KIAA1549L: variants seen among roughly 807,000 people sequenced by gnomAD.
KIAA1549L encodes KIAA1549 like.
Under a neutral mutation model 160.7 loss-of-function variants are expected in KIAA1549L, and 88 were observed. The observed-to-expected ratio is 0.55, with a 90% confidence interval of 0.46 to 0.65. The LOEUF is 0.65. KIAA1549L is among the 30% of genes least tolerant of loss of function. KIAA1549L has a pLI of 0.00. For missense variants in KIAA1549L, 2,258 were observed against 2,437.5 expected (o/e 0.93, Z 1.55); for synonymous variants, 950 against 976.7 (o/e 0.97, Z 0.51).
chr11:33,488,988 G>A (rs957931722), intron 1 of KIAA1549L, among the ~76,000 whole-genome samples: 4 of 152,162 alleles, frequency 2.6e-5, no homozygotes, highest in African/African-American at 9.7e-5. Flanking sequence ...CATTTGTTAT[G>A]TTGTTAAATC....
chr11:33,431,781 G>A (rs539566821), intron 1 of KIAA1549L, among the ~76,000 whole-genome samples: 29 of 152,342 alleles, frequency 1.9e-4, no homozygotes, highest in Middle Eastern at 3.4e-3. Context: ...GGGACTGGGC[G>A]CCGTGGAGCA....
chr11:33,435,543 G>C (rs1049053732), intron 1 of KIAA1549L, among the ~76,000 whole-genome samples: 21 of 151,220 alleles, frequency 1.4e-4, no homozygotes, highest in African/African-American at 5.1e-4. Flanking sequence ...CAATTCTGTT[G>C]CTTTTAAAAA....
rs371866174 is a variant in KIAA1549L at position 33,660,870 on chromosome 11, G to A, written c.6015G>A (p.Thr2005=). ...DQSALNYSGN[T]VPAVFAIPAA... ...CCATTTCCTCCATGCCAGGTAATACGGTGCCAGCAGTGTTCGCCATCCCAG... is the reference window on the plus strand; with the variant it reads ...CCATTTCCTCCATGCCAGGTAATACAGTGCCAGCAGTGTTCGCCATCCCAG... The change falls in exon 20 of 21, where the codon ACG becomes ACA. Residue 2005 remains threonine (T), a synonymous_variant. Coordinates refer to ENST00000658780, the MANE Select transcript of KIAA1549L (RefSeq NM_012194.3). 2.8e-5 allele frequency: 45 copies of A among 1,613,714 alleles called. No homozygotes were observed. The highest frequency in any genetic ancestry group is 1.6e-4 in the East Asian group (7 of 44,858).
At chr11:33,597,197 T>C (rs1850224288) in intron 12 of KIAA1549L, among the ~76,000 whole-genome samples, 1 of 152,208 alleles carries the variant, frequency 6.6e-6, no homozygotes, top group African/African-American at 2.4e-5. Flanking sequence ...AGGAATATAG[T>C]GAGCATTTCC....
intron 1 of KIAA1549L, among the ~76,000 whole-genome samples, chr11:33,435,816 G>GTA (rs1554976825): frequency 2.5e-5 from 1 of 39,564 alleles, no homozygotes; most frequent in Non-Finnish European, 4.2e-5. Flanking sequence ...ATATATGTGT[G>GTA]TGTATATATA....
intron 1 of KIAA1549L, among the ~76,000 whole-genome samples, chr11:33,452,525 G>C (rs919622643): frequency 3.9e-5 from 6 of 152,244 alleles, no homozygotes; most frequent in Non-Finnish European, 7.4e-5. Flanking sequence ...GGAGAATGGC[G>C]TGAACCCAGG....
chr11:33,645,866 G>A lies in KIAA1549L; in HGVS notation c.5590G>A (p.Ala1864Thr), dbSNP rs749282621. Residue 1864 changes from alanine to threonine, a missense_variant, in exon 17 of 21, where the codon GCG becomes ACG. This residue lies in a region of KIAA1549L where 1,359 missense variants were observed against 1,546.6 expected (regional missense o/e 0.88). Transcript: ENST00000658780. ...GGAGGAGGCCTTCAGCCTGGCATCC[G>A]CGGGCCACGCAGGCCAGAGCCGGCA... ...LLEEAFSLAS[A>T]GHAGQSRHQE... is the part of the protein sequence containing the mutation. 8.1e-6 allele frequency: 13 copies of A among 1,613,738 alleles called. No individual in the cohort carries two copies. The highest frequency in any genetic ancestry group is 1.1e-5 in the South Asian group (1 of 91,084).
intron 16 of KIAA1549L, among the ~76,000 whole-genome samples, chr11:33,631,813 G>A (rs1007429353): frequency 1.3e-5 from 2 of 152,198 alleles, no homozygotes; most frequent in African/African-American, 4.8e-5. Flanking sequence ...GCAACTCCTC[G>A]AGGACAGGAG....
At chr11:33,500,925 T>C (rs756598577) in intron 1 of KIAA1549L, among the ~76,000 whole-genome samples, 6 of 152,162 alleles carry the variant, frequency 3.9e-5, no homozygotes, top group African/African-American at 9.7e-5. Flanking sequence ...GTTACTGTTA[T>C]ACCAATTGCA....
intron 1 of KIAA1549L, among the ~76,000 whole-genome samples, chr11:33,525,579 A>G (rs1032386932): frequency 1.4e-5 from 2 of 138,872 alleles, no homozygotes; most frequent in Non-Finnish European, 3.1e-5. Context: ...CCTGAGTAGA[A>G]TCTGGTCGGG....
At chr11:33,566,688 C>T (rs1009512469) in intron 8 of KIAA1549L, among the ~76,000 whole-genome samples, 4 of 152,126 alleles carry the variant, frequency 2.6e-5, no homozygotes, top group Non-Finnish European at 4.4e-5. Flanking sequence ...CTGTTGTCGC[C>T]GGTTATCTGG....
intron 1 of KIAA1549L, among the ~76,000 whole-genome samples, chr11:33,397,109 G>C (rs1420228337): frequency 6.6e-6 from 1 of 151,152 alleles, no homozygotes; most frequent in Non-Finnish European, 1.5e-5. Context: ...AAGGTGGGTG[G>C]ATCACAAGGT....
intron 17 of KIAA1549L, among the ~76,000 whole-genome samples, chr11:33,651,984 CAG>C (rs372113758): frequency 6.0e-4 from 87 of 146,128 alleles, no homozygotes; most frequent in African/African-American, 2.2e-3. Flanking sequence ...CTTCTGAGCT[CAG>C]AGAGTGCTCT....
intron 13 of KIAA1549L, chr11:33,599,578 C>T (rs1025019922): frequency 1.3e-5 from 2 of 152,000 alleles, no homozygotes; most frequent in Non-Finnish European, 1.5e-5. Flanking sequence ...TACTTAGTTT[C>T]TCACACAGAT....
chr11:33,546,776 C>T (rs539050362), intron 3 of KIAA1549L, among the ~76,000 whole-genome samples: 1 of 152,322 alleles, frequency 6.6e-6, no homozygotes, highest in Admixed American at 6.5e-5. Flanking sequence ...CCTGAAACTG[C>T]AGGTAGTACC....
At chr11:33,430,037 T>TCCTTCCTC (rs1255239854) in intron 1 of KIAA1549L, among the ~76,000 whole-genome samples, 10 of 137,606 alleles carry the variant, frequency 7.3e-5, no homozygotes, top group African/African-American at 2.8e-4. Flanking sequence ...CTTCCTTCCT[T>TCCTTCCTC]CCTTCCTTCC....
At chr11:33,515,780 CCTCTAT>C (rs1192815488) in intron 1 of KIAA1549L, among the ~76,000 whole-genome samples, 1 of 152,176 alleles carries the variant, frequency 6.6e-6, no homozygotes, top group African/African-American at 2.4e-5. Context: ...CATTTTACCT[CCTCTAT>C]CTCTGAGTCA....
At chr11:33,614,531 GAT>G (rs780446812) in intron 15 of KIAA1549L, among the ~76,000 whole-genome samples, 955 of 27,092 alleles carry the variant, frequency 0.035, 288 homozygotes, top group South Asian at 0.061. Context: ...AGTGTAACAA[GAT>G]ATATATATAT....
intron 1 of KIAA1549L, among the ~76,000 whole-genome samples, chr11:33,441,933 C>T (rs1422837280): frequency 2.0e-5 from 3 of 152,128 alleles, no homozygotes; most frequent in Non-Finnish European, 2.9e-5. Context: ...AATTAGATCC[C>T]GTTTGTCAAT....
Sources: gnomAD v4.1 joint callset for allele counts (sites outside exome capture counted in the v4.1 genomes callset) on GRCh38, gnomAD v4.1.1 for gene constraint, gnomAD v4.1.1 regional missense constraint, MANE v1.5 for transcripts, NCBI Gene and HGNC (gene_info 2026-07-23, HGNC 2026-07-21) for gene names.